The following CERS6 variants were observed in gnomAD, a reference collection of about 807,000 sequenced individuals.
The protein encoded by CERS6 is ceramide synthase 6.
CERS6 carries 26 observed loss-of-function variants against 56.8 expected under a neutral mutation model. That is an observed-to-expected ratio of 0.46 (90% CI 0.34 to 0.63). The LOEUF is 0.63. Ranked by LOEUF, CERS6 falls within the 30% of genes least tolerant of loss-of-function variation. The pLI is 0.01. For missense variants in CERS6, 415 were observed against 467.5 expected (o/e 0.89, Z 1.04); for synonymous variants, 164 against 173.3 (o/e 0.95, Z 0.42).
At chr2:168,768,874 C>T (rs906292467) in intron 9 of CERS6, among the ~76,000 whole-genome samples, 16 of 136,022 alleles carry the variant, frequency 1.2e-4, no homozygotes, top group African/African-American at 4.5e-4. Context: ...CAGTGCACTC[C>T]AGCCTGGGCA....
chr2:168,760,501 A>C (rs569642877), intron 8 of CERS6, among the ~76,000 whole-genome samples: 1 of 152,138 alleles, frequency 6.6e-6, no homozygotes, highest in South Asian at 2.1e-4. Flanking sequence ...CCCAGGATAA[A>C]TACTTTGCAT....
At chr2:168,536,296 A>C (rs1008371839) in intron 1 of CERS6, among the ~76,000 whole-genome samples, 21 of 152,358 alleles carry the variant, frequency 1.4e-4, no homozygotes, top group African/African-American at 5.0e-4. Context: ...ATTTTCTTAG[A>C]GAATAGTCCC....
chr2:168,509,892 C>G (rs141469873), intron 1 of CERS6, among the ~76,000 whole-genome samples: 1 of 151,760 alleles, frequency 6.6e-6, no homozygotes, highest in East Asian at 2.0e-4. Flanking sequence ...CAGACTCTGT[C>G]TCTACGATAA....
At chr2:168,555,720 CTCTG>C (rs894281696) in intron 2 of CERS6, among the ~76,000 whole-genome samples, 17 of 76,874 alleles carry the variant, frequency 2.2e-4, no homozygotes, top group African/African-American at 1.4e-3. Context: ...GTATAATTGA[CTCTG>C]TGTGTGTGTG....
At chr2:168,761,244 G>T (rs904758657) in intron 8 of CERS6, among the ~76,000 whole-genome samples, 9 of 152,020 alleles carry the variant, frequency 5.9e-5, no homozygotes, top group Admixed American at 5.2e-4. Context: ...CATTACTTTT[G>T]AGCAGCATCT....
intron 6 of CERS6, among the ~76,000 whole-genome samples, chr2:168,712,777 G>C (rs541001585): frequency 6.6e-6 from 1 of 152,286 alleles, no homozygotes; most frequent in South Asian, 2.1e-4. Context: ...GATAGAAAGA[G>C]TGTGACGGGT....
chr2:168,512,622 C>T (rs183250949), intron 1 of CERS6, among the ~76,000 whole-genome samples: 5 of 151,072 alleles, frequency 3.3e-5, no homozygotes, highest in East Asian at 1.9e-4. Context: ...TCTTGAGTCT[C>T]TATGAGAGTA....
intron 2 of CERS6, among the ~76,000 whole-genome samples, chr2:168,548,793 T>G (rs990897780): frequency 3.3e-5 from 5 of 152,320 alleles, no homozygotes; most frequent in African/African-American, 7.2e-5. Context: ...TCTGTCCTTT[T>G]AAAAATGTTT....
At chr2:168,546,191 C>T (rs764630446) in intron 1 of CERS6, among the ~76,000 whole-genome samples, 1 of 152,082 alleles carries the variant, frequency 6.6e-6, no homozygotes, top group Non-Finnish European at 1.5e-5. Flanking sequence ...AGAGAAGGGC[C>T]AGAGTCGTTA....
intron 8 of CERS6, among the ~76,000 whole-genome samples, chr2:168,750,601 G>A (rs1002698460): frequency 6.6e-6 from 1 of 151,646 alleles, no homozygotes; most frequent in Non-Finnish European, 1.5e-5. Flanking sequence ...AATTTCATTG[G>A]CTACAGAGTA....
intron 3 of CERS6, among the ~76,000 whole-genome samples, chr2:168,615,089 G>A (rs978397215): frequency 1.3e-5 from 2 of 152,040 alleles, no homozygotes. Flanking sequence ...TGGTAGACCT[G>A]CTGGGTGGCT....
At chr2:168,582,261 A>G (rs980822610) in intron 3 of CERS6, among the ~76,000 whole-genome samples, 9 of 152,164 alleles carry the variant, frequency 5.9e-5, no homozygotes, top group African/African-American at 2.2e-4. Flanking sequence ...CACTGGGCCT[A>G]GATTCTTCCC....
intron 3 of CERS6, among the ~76,000 whole-genome samples, chr2:168,612,043 AGTT>A (rs1203200445): frequency 6.6e-6 from 1 of 152,240 alleles, no homozygotes; most frequent in East Asian, 1.9e-4. Flanking sequence ...TAGTAATGAT[AGTT>A]AAGAGTTATG....
chr2:168,576,741 CACAT>C lies in CERS6; in HGVS notation c.407+15435_407+15438del, dbSNP rs143929422. ...ACAAGTGTGCACACACACCTATACA[CACAT>C]ACATACATACATACACATATGTTTT... On this transcript the variant is annotated intron_variant, in intron 3 of 9. Transcript: ENST00000305747. Among the ~76,000 whole-genome samples the C allele has an allele frequency of 5.2e-4, 79 of 152,250 alleles. 1 individual carries two copies. Among genetic ancestry groups the C allele is most frequent in the African/African-American group, 1.3e-3 (56 of 41,558 alleles).
chr2:168,516,222 G>C (rs772284955), intron 1 of CERS6, among the ~76,000 whole-genome samples: 23 of 152,160 alleles, frequency 1.5e-4, no homozygotes, highest in Non-Finnish European at 3.2e-4. Context: ...GCAGTTCAGA[G>C]AACCAGACTC....
chr2:168,466,932 G>T (rs1287928526), intron 1 of CERS6, among the ~76,000 whole-genome samples: 1 of 152,164 alleles, frequency 6.6e-6, no homozygotes. Flanking sequence ...ACTCGCCATT[G>T]TCTACATAAA....
In CERS6 at chr2:168,718,892, G is replaced by T. The variant is rs545365141; in HGVS notation, c.845+914G>T. On this transcript the variant is annotated intron_variant, in intron 8 of 9. Transcript: ENST00000305747. Reference sequence around the variant, plus strand: ...TTGAGTCACTCCCTGCACAGGTAGAGGCAGAGTCAGAAAAAGAATGTGAAG... The same window carrying T: ...TTGAGTCACTCCCTGCACAGGTAGATGCAGAGTCAGAAAAAGAATGTGAAG... Among the ~76,000 whole-genome samples, 6 of 152,326 alleles carry T rather than the reference G, an allele frequency of 3.9e-5. No homozygotes were observed. The East Asian group carries it at 1.2e-3, about 29-fold the overall frequency.
rs540907353 is a variant in CERS6, at chr2:168,704,655, C to T, written c.609+9604C>T. Among the ~76,000 whole-genome samples, 6 of 152,168 alleles carry T rather than the reference C, an allele frequency of 3.9e-5. No individual in the cohort carries two copies. The South Asian group carries it at 1.2e-3, about 32-fold the overall frequency. On this transcript the variant is annotated intron_variant, in intron 6 of 9. Transcript: ENST00000305747. ...CGAGTCTCGCTTTGTCGCCCAGGCT[C>T]GAGTGCAGTGGCGTGATCTTGGTTC...
chr2:168,638,634 T>C (rs1289920643), intron 4 of CERS6, among the ~76,000 whole-genome samples: 1 of 152,226 alleles, frequency 6.6e-6, no homozygotes, highest in Admixed American at 6.5e-5. Context: ...ATGATAAAGG[T>C]ATTTCATCAG....
Sources: gnomAD v4.1 joint callset for allele counts (sites outside exome capture counted in the v4.1 genomes callset) on GRCh38, gnomAD v4.1.1 for gene constraint, MANE v1.5 for transcripts, NCBI Gene and HGNC (gene_info 2026-07-23, HGNC 2026-07-21) for gene names.